The following GKAP1 variants were observed in gnomAD, a reference collection of about 807,000 sequenced individuals.
GKAP1 encodes G kinase-anchoring protein 1.
A neutral mutation model predicts 56.7 loss-of-function variants in GKAP1; 31 were observed. The ratio of observed to expected loss-of-function variants is 0.55; its 90% CI spans 0.41 to 0.74. The LOEUF is 0.74. Ranked by LOEUF, GKAP1 falls within the 30% of genes least tolerant of loss-of-function variation. GKAP1 has a pLI of 0.00. For synonymous variants in GKAP1, 151 were observed against 138.6 expected (o/e 1.09, Z -0.63); for missense variants, 364 against 402.3 (o/e 0.90, Z 0.82).
chr9:83,806,818 G>A (rs1462939607), intron 2 of GKAP1, among the ~76,000 whole-genome samples: 4 of 152,084 alleles, frequency 2.6e-5, no homozygotes, highest in African/African-American at 9.7e-5. Flanking sequence ...AAAATTCACA[G>A]TCTTCCTCTC....
chr9:83,760,394 A>T lies in GKAP1; in HGVS notation c.739-7035T>A, dbSNP rs183146969. Among the ~76,000 whole-genome samples the T allele has an allele frequency of 4.0e-3, 604 of 152,268 alleles. 1 individual carries two copies. The highest frequency in any genetic ancestry group is 5.7e-3 in the Non-Finnish European group (385 of 67,994). ...CAAATATTATTAGAGCTAAAGAGAG[A>T]GATGGGCCCCAATACAATAATAGCT... On this transcript the variant is annotated intron_variant, in intron 8 of 12. Coordinates refer to ENST00000376371, the MANE Select transcript of GKAP1 (RefSeq NM_025211.4).
At chr9:83,748,909 T>C (rs1331649103) in intron 9 of GKAP1, 5 of 152,238 alleles carry the variant, frequency 3.3e-5, no homozygotes, top group Non-Finnish European at 7.3e-5. Context: ...GTAGTGGATA[T>C]TGAATTTTAT....
Position 83,806,409 on chromosome 9 carries a change from G to A in GKAP1, c.109C>T (p.Arg37Ter), listed in dbSNP as rs1944440557. ...AAAGTTTGAGACTTTCCAGTATTTC[G>A]ACCTTTACCTTTTCCAGGTTCAGAA... ...SDSEPGKGKGRNTGKSQTLGS... is the reference protein window; with the variant it reads ...SDSEPGKGKG The change falls in exon 3 of 13, where the codon CGA becomes TGA. Residue 37 changes from arginine (R) to a stop codon, truncating the protein, a stop_gained. Coordinates refer to ENST00000376371, the MANE Select transcript of GKAP1 (RefSeq NM_025211.4). LOFTEE classifies it high-confidence loss of function. The A allele has an allele frequency of 6.2e-7, 1 of 1,609,328 alleles. No homozygotes were observed. Among genetic ancestry groups the A allele is most frequent in the South Asian group, 1.1e-5 (1 of 90,318 alleles).
At position 83,806,663 on chromosome 9, in the gene GKAP1, A is replaced by G. The variant is rs544981254; in HGVS notation, c.-43-103T>C. The G allele has an allele frequency of 6.1e-5, 40 of 652,300 alleles. No homozygotes were observed. The Middle Eastern group carries it at 1.1e-3, about 18-fold the overall frequency. The allele number at this position is 652,300 out of a possible 1,614,324, so 40.4% of individuals were successfully genotyped here. A position where few individuals can be genotyped will look rare whatever the true frequency, so the allele number is the denominator to read the frequency against. ...GTAGATAAAATAAATTTCTTCTGAC[A>G]CTGGATTTAGTAAATTTGGATTAAT... On this transcript the variant is annotated intron_variant, in intron 2 of 12. Transcript: ENST00000376371.
rs11140252 is a variant in GKAP1, at chr9:83,788,945, A to T, written c.361-267T>A. Reference sequence around the variant, plus strand: ...TATAATCTTACTTTTTACCTTAATAAAAAAATCTTACCAAATAATTGGCAC... The same window carrying T: ...TATAATCTTACTTTTTACCTTAATATAAAAATCTTACCAAATAATTGGCAC... On this transcript the variant is annotated intron_variant, in intron 4 of 12. Coordinates refer to ENST00000376371, the MANE Select transcript of GKAP1 (RefSeq NM_025211.4). 2,007 of 244,922 alleles carry T rather than the reference A, an allele frequency of 8.2e-3. 46 individuals carry two copies. Among genetic ancestry groups the T allele is most frequent in the East Asian group, 0.04 (532 of 13,442 alleles). The allele number at this position is 244,922 out of a possible 1,614,324, so 15.2% of individuals were successfully genotyped here. A position where few individuals can be genotyped will look rare whatever the true frequency, so the allele number is the denominator to read the frequency against.
intron 4 of GKAP1, among the ~76,000 whole-genome samples, chr9:83,794,175 A>G (rs1944206961): frequency 6.6e-6 from 1 of 152,178 alleles, no homozygotes; most frequent in Non-Finnish European, 1.5e-5. Context: ...CTCAAAAAAT[A>G]TATGAAAATT....
intron 3 of GKAP1, among the ~76,000 whole-genome samples, chr9:83,804,531 T>TC (rs1944399494): frequency 2.4e-5 from 1 of 41,520 alleles, no homozygotes; most frequent in Admixed American, 2.1e-4. Flanking sequence ...GGTGGGGGGG[T>TC]CAGCCCCCCG....
At chr9:83,771,111 G>T (rs995844312) in intron 7 of GKAP1, among the ~76,000 whole-genome samples, 7 of 151,940 alleles carry the variant, frequency 4.6e-5, no homozygotes, top group African/African-American at 1.7e-4. Context: ...ACCCAGGCTG[G>T]AGTGCAGTGG....
At chr9:83,806,778 T>C (rs934608530) in intron 2 of GKAP1, among the ~76,000 whole-genome samples, 56 of 152,354 alleles carry the variant, frequency 3.7e-4, no homozygotes, top group African/African-American at 1.2e-3. Context: ...TTCACAGATA[T>C]AATGTACTCA....
chr9:83,817,358 C>G (rs1944632879), intron 1 of GKAP1, 159 bp downstream of exon 1: 1 of 151,926 alleles, frequency 6.6e-6, no homozygotes, highest in Admixed American at 6.5e-5. Context: ...CCTCCCGTGC[C>G]CTCTGCCCAG....
intron 10 of GKAP1, among the ~76,000 whole-genome samples, chr9:83,746,208 A>C (rs1195695548): frequency 6.6e-6 from 1 of 152,206 alleles, no homozygotes; most frequent in Non-Finnish European, 1.5e-5. Context: ...TCTGATTTTT[A>C]CTCATTGTTT....
chr9:83,749,473 C>A (rs181968608), intron 9 of GKAP1, among the ~76,000 whole-genome samples: 1 of 152,132 alleles, frequency 6.6e-6, no homozygotes, highest in African/African-American at 2.4e-5. Context: ...GTGATCAACC[C>A]GCCTTGGCCT....
At chr9:83,764,587 G>C (rs985579371) in intron 8 of GKAP1, among the ~76,000 whole-genome samples, 6 of 152,064 alleles carry the variant, frequency 3.9e-5, no homozygotes, top group Non-Finnish European at 7.4e-5. Flanking sequence ...TGGGTAACAA[G>C]CAGAGGCTGG....
At chr9:83,761,944 G>C (rs528084035) in intron 8 of GKAP1, among the ~76,000 whole-genome samples, 80 of 151,416 alleles carry the variant, frequency 5.3e-4, no homozygotes, top group African/African-American at 1.9e-3. Context: ...CCCACAGCAA[G>C]TAATATACTG....
chr9:83,803,355 T>C (rs986436364), intron 3 of GKAP1, among the ~76,000 whole-genome samples: 4 of 151,700 alleles, frequency 2.6e-5, no homozygotes, highest in African/African-American at 9.7e-5. Context: ...CCTCCCTGCC[T>C]GATTCTCCTG....
intron 4 of GKAP1, among the ~76,000 whole-genome samples, chr9:83,798,961 C>A (rs1410505156): frequency 1.3e-5 from 2 of 152,162 alleles, no homozygotes; most frequent in East Asian, 3.8e-4. Context: ...TTTAAAACCA[C>A]AAAATAACTG....
intron 7 of GKAP1, among the ~76,000 whole-genome samples, chr9:83,771,557 A>C (rs756534586): frequency 3.3e-5 from 5 of 152,228 alleles, no homozygotes; most frequent in Non-Finnish European, 5.9e-5. Context: ...GTTGTGCAAC[A>C]CTTTATATCT....
intron 3 of GKAP1, among the ~76,000 whole-genome samples, chr9:83,802,080 T>C (rs1451468727): frequency 6.6e-6 from 1 of 152,174 alleles, no homozygotes; most frequent in Non-Finnish European, 1.5e-5. Context: ...ACTAGAGTTG[T>C]AGCTCAGAAT....
intron 9 of GKAP1, among the ~76,000 whole-genome samples, chr9:83,753,010 A>G (rs572457339): frequency 1.3e-5 from 2 of 152,152 alleles, no homozygotes. Context: ...CACCGAGCTG[A>G]GATCACTCCA....
Sources: gnomAD v4.1 joint callset for allele counts (sites outside exome capture counted in the v4.1 genomes callset) on GRCh38, gnomAD v4.1.1 for gene constraint, MANE v1.5 for transcripts, NCBI Gene and HGNC (gene_info 2026-07-23, HGNC 2026-07-21) for gene names.